The following ADAMTS2 variants were observed in gnomAD, a reference collection of about 807,000 sequenced individuals.
ADAMTS2 encodes A disintegrin and metalloproteinase with thrombospondin motifs 2.
ADAMTS2 carries 50 observed loss-of-function variants against 123.0 expected under a neutral mutation model. The ratio of observed to expected loss-of-function variants is 0.41; its 90% CI spans 0.32 to 0.51. ADAMTS2 has a LOEUF of 0.51. Among genes scored for constraint, ADAMTS2 ranks in the 20% least tolerant of loss-of-function variants. The pLI is 0.35. For missense variants in ADAMTS2, 1,494 were observed against 1,705.2 expected (o/e 0.88, Z 2.18); for synonymous variants, 678 against 695.4 (o/e 0.98, Z 0.39).
At chr5:179,244,853 G>C (rs1406092749) in intron 3 of ADAMTS2, among the ~76,000 whole-genome samples, 2 of 152,124 alleles carry the variant, frequency 1.3e-5, no homozygotes, top group Admixed American at 6.5e-5. Flanking sequence ...GCAAACTGTT[G>C]ATATATATGT....
intron 4 of ADAMTS2, among the ~76,000 whole-genome samples, chr5:179,190,770 C>T (rs960231194): frequency 6.6e-6 from 1 of 152,244 alleles, no homozygotes; most frequent in Non-Finnish European, 1.5e-5. Flanking sequence ...GTCCAACAGC[C>T]CAAGCTGTTT....
rs911474506 is a variant in ADAMTS2 at position 179,307,175 on chromosome 5, C to T, written c.535-34111G>A. On this transcript the variant is annotated intron_variant, in intron 2 of 21. Coordinates refer to ENST00000251582, the MANE Select transcript of ADAMTS2 (RefSeq NM_014244.5). This position sits in a 1 kb window ranked among gnomAD's most constrained non-coding sequence, Gnocchi z 5.6. The stretch of plus-strand genomic sequence containing the variant: ...GCATGAGACAGACACAGGGGGCCCG[C>T]ACTGCAGAGCTGCCCCGGCCCACGC... Among the ~76,000 whole-genome samples the T allele has an allele frequency of 2.6e-5, 4 of 152,214 alleles. No homozygotes were observed. Among genetic ancestry groups the T allele is most frequent in the Non-Finnish European group, 5.9e-5 (4 of 68,028 alleles).
At chr5:179,148,709 C>T (rs1763298056) in intron 10 of ADAMTS2, among the ~76,000 whole-genome samples, 1 of 152,188 alleles carries the variant, frequency 6.6e-6, no homozygotes, top group Non-Finnish European at 1.5e-5. Flanking sequence ...CCCACCTGTG[C>T]CCACATCTCC....
At chr5:179,292,044 C>T (rs931204156) in intron 2 of ADAMTS2, among the ~76,000 whole-genome samples, 6 of 151,996 alleles carry the variant, frequency 3.9e-5, no homozygotes, top group African/African-American at 1.2e-4. Context: ...ACACCTGGCC[C>T]AAACATTAAA....
intron 3 of ADAMTS2, among the ~76,000 whole-genome samples, chr5:179,211,550 G>A (rs1038277637): frequency 2.6e-5 from 4 of 152,192 alleles, no homozygotes; most frequent in South Asian, 2.1e-4. Context: ...TGCTCACATC[G>A]TGGCCAAATA....
chr5:179,276,698 C>T (rs1381250342), intron 2 of ADAMTS2, among the ~76,000 whole-genome samples: 3 of 152,228 alleles, frequency 2.0e-5, no homozygotes, highest in East Asian at 1.9e-4. Context: ...TCAGAACTCA[C>T]ACCTACACGG....
intron 2 of ADAMTS2, among the ~76,000 whole-genome samples, chr5:179,321,502 A>AC (rs1757174492): frequency 1.3e-5 from 2 of 151,032 alleles, no homozygotes; most frequent in African/African-American, 4.9e-5. Context: ...CTCCTCTTGA[A>AC]CCTCTCTCAT....
rs373489513 is a variant in ADAMTS2, at chr5:179,312,762, G to T, written c.534+31005C>A. Among the ~76,000 whole-genome samples the T allele has an allele frequency of 1.1e-4, 16 of 152,356 alleles. No homozygotes were observed. In the East Asian group the frequency reaches 2.1e-3, roughly 20 times the overall value. ...CTGGCTGCCACGAGGACCTGGAAGAGCCCAGGACGCATCCTCCCCTAGAGG... is the reference window on the plus strand; with the variant it reads ...CTGGCTGCCACGAGGACCTGGAAGATCCCAGGACGCATCCTCCCCTAGAGG... On this transcript the variant is annotated intron_variant, in intron 2 of 21. Transcript: ENST00000251582. The surrounding 1 kb of genome is among the most constrained non-coding windows in gnomAD (Gnocchi z 4.2).
intron 2 of ADAMTS2, among the ~76,000 whole-genome samples, chr5:179,306,898 G>A (rs945464519): frequency 1.3e-5 from 2 of 152,184 alleles, no homozygotes; most frequent in Admixed American, 6.5e-5. Context: ...TGAGGACATG[G>A]CTCTTATTCC....
rs559901894 is a variant in ADAMTS2 at position 179,191,292 on chromosome 5, C to T, written c.892-10137G>A. 5.3e-5 allele frequency among the ~76,000 whole-genome samples: 8 copies of T among 152,272 alleles called. No individual in the cohort carries two copies. In the South Asian group the frequency reaches 1.7e-3, roughly 32 times the overall value. ...GCTGAGCTTGTCGGCTGTCCCTGGCCACAGAGCCCTGGGGGGCTCAGTGAG... is the reference window on the plus strand; with the variant it reads ...GCTGAGCTTGTCGGCTGTCCCTGGCTACAGAGCCCTGGGGGGCTCAGTGAG... On this transcript the variant is annotated intron_variant, in intron 4 of 21. Coordinates refer to ENST00000251582, the MANE Select transcript of ADAMTS2 (RefSeq NM_014244.5).
In ADAMTS2 at chr5:179,307,314, G is replaced by A. The variant is rs553371058; in HGVS notation, c.535-34250C>T. 3.8e-4 allele frequency among the ~76,000 whole-genome samples: 58 copies of A among 152,256 alleles called. No homozygotes were observed. Among genetic ancestry groups the A allele is most frequent in the Non-Finnish European group, 6.6e-4 (45 of 68,006 alleles). ...ACCTGGGGCCCACAGGAGGTCCACC[G>A]GCCCTCTCAGGGCTCGAGCACCCGG... On this transcript the variant is annotated intron_variant, in intron 2 of 21. Transcript: ENST00000251582. The surrounding 1 kb of genome is among the most constrained non-coding windows in gnomAD (Gnocchi z 5.6).
chr5:179,248,091 T>A (rs1276393668), intron 3 of ADAMTS2, among the ~76,000 whole-genome samples: 1 of 152,046 alleles, frequency 6.6e-6, no homozygotes, highest in African/African-American at 2.4e-5. Flanking sequence ...TAATAAAGGG[T>A]GGGGAAGACA....
chr5:179,337,775 T>C (rs529923849), intron 2 of ADAMTS2, among the ~76,000 whole-genome samples: 2 of 151,902 alleles, frequency 1.3e-5, no homozygotes, highest in African/African-American at 4.8e-5. Flanking sequence ...TGTCCCTGGC[T>C]GATTCCCTTA....
chr5:179,301,649 G>A (rs1426467971), intron 2 of ADAMTS2, among the ~76,000 whole-genome samples: 58 of 152,276 alleles, frequency 3.8e-4, no homozygotes, highest in Non-Finnish European at 2.9e-5. Flanking sequence ...CAGCACCTGA[G>A]TAACTGGGGG....
At chr5:179,242,000 C>T (rs1446471677) in intron 3 of ADAMTS2, among the ~76,000 whole-genome samples, 3 of 152,160 alleles carry the variant, frequency 2.0e-5, no homozygotes, top group Admixed American at 6.5e-5. Context: ...GGCACATAGC[C>T]CACACCTGGT....
intron 10 of ADAMTS2, among the ~76,000 whole-genome samples, chr5:179,141,753 A>C (rs1022982857): frequency 1.3e-5 from 2 of 152,140 alleles, no homozygotes; most frequent in Admixed American, 1.3e-4. Flanking sequence ...AACCCAGGCC[A>C]CTGGTGTCAT....
intron 2 of ADAMTS2, among the ~76,000 whole-genome samples, chr5:179,342,374 T>C (rs1757801807): frequency 6.6e-6 from 1 of 152,152 alleles, no homozygotes; most frequent in African/African-American, 2.4e-5. Context: ...TCAGAGACAG[T>C]GGGCGATGTC....
intron 4 of ADAMTS2, among the ~76,000 whole-genome samples, chr5:179,196,505 C>T (rs916674134): frequency 1.3e-5 from 2 of 152,202 alleles, no homozygotes; most frequent in African/African-American, 4.8e-5. Context: ...TGCCGTTCTA[C>T]AGCGGTTAAG....
chr5:179,236,652 G>C (rs151249122), intron 3 of ADAMTS2, among the ~76,000 whole-genome samples: 1 of 152,128 alleles, frequency 6.6e-6, no homozygotes, highest in Non-Finnish European at 1.5e-5. Flanking sequence ...TTAGCCAAAC[G>C]TAATGGGGTG....
Sources: gnomAD v4.1 joint callset for allele counts (sites outside exome capture counted in the v4.1 genomes callset) on GRCh38, gnomAD v4.1.1 for gene constraint, Gnocchi (gnomAD v3.1) non-coding constraint, MANE v1.5 for transcripts, NCBI Gene and HGNC (gene_info 2026-07-23, HGNC 2026-07-21) for gene names.